THADA: variants seen among roughly 807,000 people sequenced by gnomAD.
THADA encodes THADA armadillo repeat containing.
Under a neutral mutation model 219.8 loss-of-function variants are expected in THADA, and 213 were observed. The observed-to-expected ratio is 0.97, with a 90% CI of 0.87 to 1.09. The LOEUF (loss-of-function observed/expected upper bound fraction) is 1.09, where lower values mean the gene tolerates loss of function less well. Ranked by LOEUF, THADA falls within the 50% of genes least tolerant of loss-of-function variation. The pLI is 0.00. For missense variants in THADA, 2,956 were observed against 2,311.3 expected (o/e 1.28, Z -5.72); for synonymous variants, 1,018 against 828.9 (o/e 1.23, Z -3.92).
intron 34 of THADA, among the ~76,000 whole-genome samples, chr2:43,290,118 G>A (rs1436580074): frequency 3.3e-5 from 5 of 151,564 alleles, no homozygotes; most frequent in South Asian, 4.2e-4. Flanking sequence ...GATTACAGGC[G>A]CCCACCACCA....
At chr2:43,365,350 C>T (rs1670006484) in intron 29 of THADA, among the ~76,000 whole-genome samples, 1 of 151,940 alleles carries the variant, frequency 6.6e-6, no homozygotes, top group African/African-American at 2.4e-5. Flanking sequence ...GCAGGCAGAT[C>T]ACTTGAGGTC....
intron 8 of THADA, among the ~76,000 whole-genome samples, chr2:43,581,154 G>A (rs776177548): frequency 1.3e-5 from 2 of 152,046 alleles, no homozygotes; most frequent in Non-Finnish European, 2.9e-5. Flanking sequence ...TTCCAAAAAA[G>A]TGACAGAAAA....
chr2:43,558,386 G>A (rs909207903), intron 16 of THADA, among the ~76,000 whole-genome samples: 1 of 152,176 alleles, frequency 6.6e-6, no homozygotes, highest in Admixed American at 6.5e-5. Flanking sequence ...TTAATACTGA[G>A]TGTCAGCTTG....
chr2:43,445,837 C>T (rs182490174), intron 26 of THADA, among the ~76,000 whole-genome samples: 13 of 152,328 alleles, frequency 8.5e-5, no homozygotes, highest in Non-Finnish European at 4.4e-5. Flanking sequence ...TCATGCCTGT[C>T]TAATGACGTG....
intron 7 of THADA, among the ~76,000 whole-genome samples, chr2:43,582,208 G>C (rs78487399): frequency 0.061 from 9,270 of 152,244 alleles, 369 homozygotes; most frequent in Non-Finnish European, 0.097. Flanking sequence ...ATGAATGACA[G>C]AACTCAGTCT....
chr2:43,258,089 G>C (rs1670526741), intron 36 of THADA, among the ~76,000 whole-genome samples: 1 of 152,198 alleles, frequency 6.6e-6, no homozygotes, highest in Non-Finnish European at 1.5e-5. Flanking sequence ...TAGAAAGGGA[G>C]AGCCCCAGCG....
At chr2:43,568,791 C>T (rs985499737) in intron 14 of THADA, among the ~76,000 whole-genome samples, 2 of 152,036 alleles carry the variant, frequency 1.3e-5, no homozygotes, top group Non-Finnish European at 2.9e-5. Flanking sequence ...GCCTGTAATC[C>T]CAGCACTTTG....
Position 43,494,353 on chromosome 2 carries a change from G to A in THADA, c.3744+4480C>T, listed in dbSNP as rs1688007149. The stretch of plus-strand genomic sequence containing the variant: ...TTCCCTTTTTCTTTCATTCCTGCTG[G>A]TCTTGGTTAGTACCACTCAATAAAA... On this transcript the variant is annotated intron_variant, in intron 25 of 37. Transcript: ENST00000405975. Among the ~76,000 whole-genome samples, 4 of 152,050 alleles carry A rather than the reference G, an allele frequency of 2.6e-5. No homozygotes were observed. The South Asian group carries it at 8.3e-4, about 32-fold the overall frequency.
chr2:43,428,504 C>A (rs1057424609), intron 27 of THADA, among the ~76,000 whole-genome samples: 2 of 152,122 alleles, frequency 1.3e-5, no homozygotes, highest in African/African-American at 4.8e-5. Context: ...ACTCGGGAGG[C>A]TGAGGTGGGA....
chr2:43,307,405 C>T (rs560725819), intron 31 of THADA, among the ~76,000 whole-genome samples: 5 of 151,768 alleles, frequency 3.3e-5, no homozygotes, highest in Admixed American at 3.3e-4. Context: ...AATCTTTCAG[C>T]TGAATACTGA....
At chr2:43,300,936 A>G (rs1016665643) in intron 31 of THADA, among the ~76,000 whole-genome samples, 7 of 152,312 alleles carry the variant, frequency 4.6e-5, no homozygotes, top group African/African-American at 1.4e-4. Context: ...TTGCATTTTC[A>G]ACAAGCTCAC....
rs1012751270 is a variant in THADA at position 43,234,984 on chromosome 2, C to CT, written c.5297-2103dup. The stretch of plus-strand genomic sequence containing the variant: ...CGCTGCACCCAGTGGGTTTATCACT[C>CT]TTTTTTTTTTTCTCAGACTGAGTCT... On this transcript the variant is annotated intron_variant, in intron 36 of 37. Coordinates refer to ENST00000405975, the MANE Select transcript of THADA (RefSeq NM_022065.5). 6.9e-3 allele frequency among the ~76,000 whole-genome samples: 970 copies of CT among 140,298 alleles called. 16 individuals are homozygous for CT. Among genetic ancestry groups the CT allele is most frequent in the African/African-American group, 0.023 (876 of 37,732 alleles). 92.0% of individuals were successfully genotyped at this position (140,298 alleles called of 152,430 possible).
intron 28 of THADA, among the ~76,000 whole-genome samples, chr2:43,424,891 T>C: frequency 6.6e-6 from 1 of 152,182 alleles, no homozygotes; most frequent in East Asian, 1.9e-4. Context: ...ATCAGTCACT[T>C]TTCCTACAGG....
rs573195262 is a variant in THADA, at chr2:43,294,411, G to A, written c.4439-1198C>T. 5.6e-4 allele frequency among the ~76,000 whole-genome samples: 86 copies of A among 152,294 alleles called. 1 individual carries two copies. The highest frequency in any genetic ancestry group is 1.1e-3 in the Non-Finnish European group (72 of 68,022). Reference sequence around the variant, plus strand: ...AATGTGTTAGCACCACCAAAGGCAGGGGAACCAGCTGAGCAAAGGCTCAAC... The same window carrying A: ...AATGTGTTAGCACCACCAAAGGCAGAGGAACCAGCTGAGCAAAGGCTCAAC... On this transcript the variant is annotated intron_variant, in intron 31 of 37. Coordinates refer to ENST00000405975, the MANE Select transcript of THADA (RefSeq NM_022065.5).
chr2:43,542,852 T>C (rs545836742), intron 20 of THADA, among the ~76,000 whole-genome samples: 15 of 152,276 alleles, frequency 9.9e-5, no homozygotes, highest in African/African-American at 2.6e-4. Flanking sequence ...GGTGAAAGTC[T>C]TCTTTAATTT....
chr2:43,577,405 TA>T (rs1350213372), intron 9 of THADA, among the ~76,000 whole-genome samples, 163 bp from the exon 10 acceptor site: 1 of 152,044 alleles, frequency 6.6e-6, no homozygotes, highest in Non-Finnish European at 1.5e-5. Context: ...GTATTAGTAT[TA>T]AAGGAAAAAA....
Position 43,279,774 on chromosome 2 carries a change from G to A in THADA, c.5287C>T (p.Gln1763Ter). 1.3e-6 allele frequency: 2 copies of A among 1,549,022 alleles called. No individual in the cohort carries two copies. Among genetic ancestry groups the A allele is most frequent in the Non-Finnish European group, 1.7e-6 (2 of 1,146,136 alleles). ...TTAMSQENTCQSTEFAFCQVD... is the reference protein window; with the variant it reads ...TTAMSQENTC ...GATAAGAACGAGGTACCTGTTGACT[G>A]GCAGGTATTTTCTTGTGACATGGCA... Residue 1763 changes from glutamine to a stop codon, truncating the protein, a stop_gained, in exon 36 of 38, where the codon CAG becomes TAG. Coordinates refer to ENST00000405975, the MANE Select transcript of THADA (RefSeq NM_022065.5). LOFTEE classifies it high-confidence loss of function.
At chr2:43,514,711 T>TA (rs1159970547) in intron 22 of THADA, among the ~76,000 whole-genome samples, 6 of 71,166 alleles carry the variant, frequency 8.4e-5, no homozygotes, top group African/African-American at 2.8e-4. Flanking sequence ...AATATATATA[T>TA]AAATATATAT....
At chr2:43,508,137 T>C (rs1305465627) in intron 23 of THADA, among the ~76,000 whole-genome samples, 1 of 151,940 alleles carries the variant, frequency 6.6e-6, no homozygotes, top group Non-Finnish European at 1.5e-5. Flanking sequence ...GATAATAGGG[T>C]ACAGGGAAGG....
Sources: gnomAD v4.1 joint callset for allele counts (sites outside exome capture counted in the v4.1 genomes callset) on GRCh38, gnomAD v4.1.1 for gene constraint, MANE v1.5 for transcripts, NCBI Gene and HGNC (gene_info 2026-07-23, HGNC 2026-07-21) for gene names.